The following UBR3 variants were observed in gnomAD, a reference collection of about 807,000 sequenced individuals.
The protein encoded by UBR3 is ubiquitin protein ligase E3 component n-recognin 3.
UBR3 carries 85 observed loss-of-function variants against 243.2 expected under a neutral mutation model. The observed-to-expected ratio is 0.35, with a 90% CI of 0.29 to 0.42. The LOEUF is 0.42. Among genes scored for constraint, UBR3 ranks in the 10% least tolerant of loss-of-function variants. The pLI is 1.00. For missense variants in UBR3, 1,686 were observed against 2,300.8 expected, an observed-to-expected ratio of 0.73 and a Z score of 5.47; for synonymous variants, 748 against 799.8, an observed-to-expected ratio of 0.94 and a Z score of 1.09.
At chr2:169,939,462 C>T (rs1478895180) in intron 19 of UBR3, among the ~76,000 whole-genome samples, 5 of 150,268 alleles carry the variant, frequency 3.3e-5, no homozygotes, top group Middle Eastern at 3.5e-3. Flanking sequence ...AGAGACAGGC[C>T]TTCACCATGT....
chr2:170,028,704 A>C (rs939065839), intron 30 of UBR3, among the ~76,000 whole-genome samples: 1 of 145,432 alleles, frequency 6.9e-6, no homozygotes, highest in Non-Finnish European at 1.5e-5. Flanking sequence ...TTTTTTTCCC[A>C]GAATAATTTT....
intron 31 of UBR3, among the ~76,000 whole-genome samples, chr2:170,038,361 C>T (rs780167541): frequency 6.6e-6 from 1 of 152,142 alleles, no homozygotes; most frequent in Non-Finnish European, 1.5e-5. Flanking sequence ...ATGTACCACT[C>T]GTTTATTTGT....
chr2:169,891,111 G>C (rs1352029245), intron 5 of UBR3, 54 bp from the exon 6 acceptor site: 1 of 1,339,584 alleles, frequency 7.5e-7, no homozygotes, highest in African/African-American at 1.5e-5. Flanking sequence ...CATTTATAAA[G>C]TGTATCAATT....
At chr2:169,918,101 G>C (rs1398453757) in intron 11 of UBR3, among the ~76,000 whole-genome samples, 1 of 151,998 alleles carries the variant, frequency 6.6e-6, no homozygotes, top group Non-Finnish European at 1.5e-5. Flanking sequence ...CTTGCCTATT[G>C]TTATGTAGCA....
At chr2:169,877,344 A>G in intron 3 of UBR3, 150 bp from the exon 4 acceptor site, 1 of 632,606 alleles carries the variant, frequency 1.6e-6, no homozygotes, top group African/African-American at 1.9e-5. Context: ...ATAAGCACAA[A>G]AGTGTTATTT....
chr2:169,888,945 T>C (rs1173592264), intron 5 of UBR3, among the ~76,000 whole-genome samples: 1 of 152,182 alleles, frequency 6.6e-6, no homozygotes, highest in African/African-American at 2.4e-5. Flanking sequence ...TAAATAACAT[T>C]GTGATGAATA....
intron 1 of UBR3, among the ~76,000 whole-genome samples, chr2:169,841,958 C>T (rs546363212): frequency 3.3e-5 from 5 of 152,358 alleles, no homozygotes; most frequent in African/African-American, 1.2e-4. Flanking sequence ...CACCTGTAGC[C>T]CCGGTGCGGG....
intron 1 of UBR3, among the ~76,000 whole-genome samples, chr2:169,832,682 C>T (rs552248225): frequency 7.2e-5 from 11 of 152,200 alleles, no homozygotes; most frequent in African/African-American, 2.6e-4. Context: ...CACCTGTAAT[C>T]CCAGCACTTT....
intron 6 of UBR3, among the ~76,000 whole-genome samples, chr2:169,892,841 G>A (rs2084427263): frequency 6.6e-6 from 1 of 152,144 alleles, no homozygotes; most frequent in Admixed American, 6.5e-5. Flanking sequence ...TTAAGGGTGA[G>A]GAAACTGAGG....
At chr2:169,875,692 T>C (rs2083581486) in intron 2 of UBR3, 99 bp from the exon 3 acceptor site, 1 of 1,102,664 alleles carries the variant, frequency 9.1e-7, no homozygotes, top group Admixed American at 3.2e-5. Context: ...TACTATAATT[T>C]AAGCCATTAT....
At chr2:169,956,221 TC>T (rs2087284750) in intron 23 of UBR3, among the ~76,000 whole-genome samples, 2 of 151,714 alleles carry the variant, frequency 1.3e-5, no homozygotes, top group African/African-American at 2.4e-5. Context: ...TCTCTCTCTC[TC>T]TCTATCTGTG....
chr2:170,080,484 T>C (rs1051900955), intron 37 of UBR3, 61 bp from the exon 38 acceptor site: 1 of 1,456,436 alleles, frequency 6.9e-7, no homozygotes, highest in East Asian at 2.5e-5. Context: ...TAATATATTC[T>C]TGATTTTATT....
rs2083703804 is a variant in UBR3, at chr2:169,878,547, T to C, written c.1011T>C (p.Thr337=). The C allele has an allele frequency of 6.4e-7, 1 of 1,551,500 alleles. No individual in the cohort carries two copies. Among genetic ancestry groups the C allele is most frequent in the Non-Finnish European group, 8.7e-7 (1 of 1,146,770 alleles). The change falls in exon 5 of 39, where the codon ACT becomes ACC. Residue 337 remains threonine, a synonymous_variant. Transcript: ENST00000272793. The stretch of plus-strand genomic sequence containing the variant: ...AAGGTTTCATAGGCGCAACAGGAAC[T>C]TTGGGACAAGTGGATTCTTCAGATG... ...AVQGFIGATG[T]LGQVDSSDED...
At chr2:169,843,512 C>T (rs2082366885) in intron 1 of UBR3, among the ~76,000 whole-genome samples, 1 of 152,192 alleles carries the variant, frequency 6.6e-6, no homozygotes, top group African/African-American at 2.4e-5. Flanking sequence ...TTAATACCAC[C>T]ACAGTGGGGA....
chr2:170,002,596 C>T (rs994998612), intron 27 of UBR3, among the ~76,000 whole-genome samples: 12 of 152,144 alleles, frequency 7.9e-5, no homozygotes, highest in Non-Finnish European at 1.8e-4. Flanking sequence ...GTACTGTAGC[C>T]CTTCTTCTGT....
At chr2:170,058,798 G>GAGCCACCATGCCC (rs1353999656) in intron 33 of UBR3, among the ~76,000 whole-genome samples, 2 of 152,140 alleles carry the variant, frequency 1.3e-5, no homozygotes, top group African/African-American at 4.8e-5. Context: ...TTACAGGCGT[G>GAGCCACCATGCCC]AGCCACCATG....
At chr2:170,008,747 A>C (rs1239585531) in intron 28 of UBR3, 57 bp from the exon 29 acceptor site, 2 of 873,890 alleles carry the variant, frequency 2.3e-6, no homozygotes, top group African/African-American at 3.5e-5. Context: ...CTAGTTTCAG[A>C]CCATTATTAA....
intron 30 of UBR3, chr2:170,016,856 T>C: frequency 2.3e-6 from 2 of 855,482 alleles, no homozygotes; most frequent in Non-Finnish European, 3.0e-6. Context: ...TATTTTTCCC[T>C]TTACTAAATC....
intron 1 of UBR3, among the ~76,000 whole-genome samples, chr2:169,845,561 CTTCTTCTTCTTTCTTCT>C (rs1464265568): frequency 1.4e-5 from 2 of 142,032 alleles, no homozygotes; most frequent in African/African-American, 2.6e-5. Context: ...CTTTCTTCTT[CTTCTTCTTCTTTCTTCT>C]TTCTTCTTCT....
Sources: allele counts gnomAD v4.1 joint callset (sites outside exome capture counted in the v4.1 genomes callset), GRCh38; gene constraint gnomAD v4.1.1; transcripts MANE v1.5; gene names NCBI Gene and HGNC (gene_info 2026-07-23, HGNC 2026-07-21).